GNB1L: variants seen among roughly 807,000 people sequenced by gnomAD.
The protein encoded by GNB1L is G protein subunit beta 1 like.
A neutral mutation model predicts 29.1 loss-of-function variants in GNB1L; 20 were observed. That is an observed-to-expected ratio of 0.69 (90% confidence interval 0.48 to 1.00). GNB1L has a LOEUF of 1.00. Ranked by LOEUF, GNB1L falls within the 50% of genes least tolerant of loss-of-function variation. The pLI is 0.00. For missense variants in GNB1L, 421 were observed against 464.9 expected (o/e 0.91, Z 0.87); for synonymous variants, 193 against 206.5 (o/e 0.93, Z 0.56).
Position 19,789,603 on chromosome 22 carries a change from G to C in GNB1L, c.733-643C>G, listed in dbSNP as rs147887523. 7.1e-3 allele frequency among the ~76,000 whole-genome samples: 1,073 copies of C among 152,164 alleles called. 15 individuals are homozygous for C. The highest frequency in any genetic ancestry group is 0.024 in the African/African-American group (1,001 of 41,508). On this transcript the variant is annotated intron_variant, in intron 7 of 7. Coordinates refer to ENST00000329517, the MANE Select transcript of GNB1L (RefSeq NM_053004.3). The stretch of plus-strand genomic sequence containing the variant: ...AACGTCCCCGGCTGGGTTCTGAGAG[G>C]GGGTAGGGCACTGCACGAGACCCGG...
At chr22:19,811,856 G>A (rs1198723993) in intron 5 of GNB1L, among the ~76,000 whole-genome samples, 4 of 151,842 alleles carry the variant, frequency 2.6e-5, no homozygotes, top group African/African-American at 9.7e-5. Context: ...CCAGGGACTT[G>A]GTCTCTCTCC....
At chr22:19,852,165 C>T (rs1434906364) in intron 2 of GNB1L, 1 of 1,613,962 alleles carries the variant, frequency 6.2e-7, no homozygotes, top group Non-Finnish European at 8.5e-7. Flanking sequence ...CCAGGAGACG[C>T]CTTGTCCATC....
chr22:19,840,380 A>G (rs1008917252), intron 2 of GNB1L, among the ~76,000 whole-genome samples: 1 of 152,244 alleles, frequency 6.6e-6, no homozygotes, highest in Non-Finnish European at 1.5e-5. Context: ...CCTTCCTAAG[A>G]GGAGAGTACG....
intron 2 of GNB1L, chr22:19,851,245 C>G (rs1038184974): frequency 1.9e-6 from 3 of 1,605,118 alleles, no homozygotes; most frequent in Non-Finnish European, 2.6e-6. Flanking sequence ...CTAAGGACAC[C>G]TCCTGGTCTC....
intron 5 of GNB1L, among the ~76,000 whole-genome samples, chr22:19,811,452 C>G (rs1937499634): frequency 6.6e-6 from 1 of 152,014 alleles, no homozygotes; most frequent in Non-Finnish European, 1.5e-5. Context: ...ACAGTCGCCA[C>G]TCAAAGGCTC....
chr22:19,814,305 A>T (rs1937517155), intron 4 of GNB1L, among the ~76,000 whole-genome samples: 1 of 152,158 alleles, frequency 6.6e-6, no homozygotes, highest in African/African-American at 2.4e-5. Flanking sequence ...GCAAAAGGGT[A>T]AGGGTCTCAA....
intron 2 of GNB1L, among the ~76,000 whole-genome samples, chr22:19,837,615 T>A (rs1425920683): frequency 6.6e-6 from 1 of 152,196 alleles, no homozygotes; most frequent in African/African-American, 2.4e-5. Context: ...ATGAAGTAAT[T>A]GAAACTCTCA....
intron 2 of GNB1L, among the ~76,000 whole-genome samples, chr22:19,843,245 T>A (rs1380834500): frequency 6.6e-6 from 1 of 152,360 alleles, no homozygotes; most frequent in South Asian, 2.1e-4. Flanking sequence ...GGTTATTAAA[T>A]CAGAAATAGT....
chr22:19,801,008 G>T (rs1937364235), intron 7 of GNB1L, among the ~76,000 whole-genome samples: 1 of 152,206 alleles, frequency 6.6e-6, no homozygotes, highest in South Asian at 2.1e-4. Context: ...CTGCCTGGGG[G>T]GCCCGAGGAA....
chr22:19,845,077 A>G (rs1445416721), intron 2 of GNB1L, among the ~76,000 whole-genome samples: 1 of 152,218 alleles, frequency 6.6e-6, no homozygotes, highest in Non-Finnish European at 1.5e-5. Context: ...ACTTTCTGAC[A>G]GGGACTTGCC....
At position 19,801,985 on chromosome 22, in the gene GNB1L, G is replaced by A. The variant is rs755280805; in HGVS notation, c.732+16C>T. 5.4e-5 allele frequency: 84 copies of A among 1,555,160 alleles called. No individual in the cohort carries two copies. Among genetic ancestry groups the A allele is most frequent in the Non-Finnish European group, 7.0e-5 (80 of 1,148,246 alleles). On this transcript the variant is annotated intron_variant, in intron 7 of 7. Coordinates refer to ENST00000329517, the MANE Select transcript of GNB1L (RefSeq NM_053004.3). ...GCAGAGCAGGATAAATGAGACCCGG[G>A]GCCTGGCGCACTGACCTGCAGGGCC...
chr22:19,804,014 T>A (rs59780046), intron 6 of GNB1L, among the ~76,000 whole-genome samples: 5,938 of 152,330 alleles, frequency 0.039, 411 homozygotes, highest in African/African-American at 0.13. Context: ...AGGGACTGTG[T>A]GTGTGACTGA....
chr22:19,804,055 G>A (rs776212055), intron 6 of GNB1L, among the ~76,000 whole-genome samples: 6 of 152,278 alleles, frequency 3.9e-5, no homozygotes, highest in Non-Finnish European at 8.8e-5. Flanking sequence ...AGGGTGGCTG[G>A]AGCAGAAGCC....
intron 7 of GNB1L, chr22:19,792,947 G>A: frequency 1.5e-6 from 2 of 1,365,578 alleles, no homozygotes; most frequent in South Asian, 2.3e-5. Context: ...TGGCTAAGCT[G>A]ATGGAAGCTA....
intron 4 of GNB1L, among the ~76,000 whole-genome samples, chr22:19,814,994 C>A (rs1376315599): frequency 6.6e-6 from 1 of 151,654 alleles, no homozygotes; most frequent in East Asian, 1.9e-4. Flanking sequence ...TGTGATCACA[C>A]CACTGCACTC....
At chr22:19,808,328 G>A (rs557189939) in intron 5 of GNB1L, among the ~76,000 whole-genome samples, 7 of 152,206 alleles carry the variant, frequency 4.6e-5, no homozygotes, top group African/African-American at 9.6e-5. Flanking sequence ...ACCATCTGAC[G>A]AAAGGGGCCC....
rs528260701 is a variant in GNB1L at position 19,793,153 on chromosome 22, C to CA, written c.733-4194dup. On this transcript the variant is annotated intron_variant, in intron 7 of 7. Transcript: ENST00000329517. ...AATTAAAATAATACAAATTTTCCTT[C>CA]AAAAAAAAAATGAAAGGAAAGTGTA... is the stretch of plus-strand genomic sequence containing the variant. The CA allele has an allele frequency of 9.1e-3, 8,047 of 885,850 alleles. 2 individuals carry two copies. Among genetic ancestry groups the CA allele is most frequent in the South Asian group, 0.01 (509 of 49,660 alleles). 54.9% of individuals were successfully genotyped at this position (885,850 alleles called of 1,614,324 possible).
rs1937362689 is a variant in GNB1L, at chr22:19,800,911, C to T, written c.732+1090G>A. 2.6e-5 allele frequency among the ~76,000 whole-genome samples: 4 copies of T among 152,212 alleles called. No homozygotes were observed. The South Asian group carries it at 8.3e-4, about 31-fold the overall frequency. On this transcript the variant is annotated intron_variant, in intron 7 of 7. Coordinates refer to ENST00000329517, the MANE Select transcript of GNB1L (RefSeq NM_053004.3). ...CACTCAGGGGTGGGCCTGACGGACC[C>T]GAGGTGAACCCTCCCCGCCCCACAG...
intron 2 of GNB1L, chr22:19,850,167 G>A: frequency 3.0e-6 from 3 of 985,618 alleles, no homozygotes; most frequent in Non-Finnish European, 3.6e-6. Context: ...AATGCTCATG[G>A]CCAGGCCTCT....
Sources: allele counts gnomAD v4.1 joint callset (sites outside exome capture counted in the v4.1 genomes callset), GRCh38; gene constraint gnomAD v4.1.1; transcripts MANE v1.5; gene names NCBI Gene and HGNC (gene_info 2026-07-23, HGNC 2026-07-21).